CDH23: variants seen among roughly 807,000 people sequenced by gnomAD.
The protein encoded by CDH23 is cadherin related 23.
CDH23 carries 189 observed loss-of-function variants against 317.1 expected under a neutral mutation model. The ratio of observed to expected loss-of-function variants is 0.60; its 90% CI spans 0.53 to 0.67. CDH23 has a LOEUF of 0.67. Among genes scored for constraint, CDH23 ranks in the 30% least tolerant of loss-of-function variants. CDH23 has a pLI of 0.00. For synonymous variants in CDH23, 1,839 were observed against 1,876.8 expected, an observed-to-expected ratio of 0.98 and a Z score of 0.52; for missense variants, 4,401 against 4,592.4, an observed-to-expected ratio of 0.96 and a Z score of 1.20.
At chr10:71,585,119 G>A (rs1858959208) in intron 9 of CDH23, among the ~76,000 whole-genome samples, 1 of 152,188 alleles carries the variant, frequency 6.6e-6, no homozygotes. Context: ...CCTTGCCGCG[G>A]GGAGGTCTGG....
intron 14 of CDH23, among the ~76,000 whole-genome samples, chr10:71,673,629 G>A (rs1864236375): frequency 1.3e-5 from 2 of 152,236 alleles, no homozygotes; most frequent in African/African-American, 2.4e-5. Flanking sequence ...GCAAGGGCAT[G>A]GCTAGGTGGC....
chr10:71,404,599 G>C (rs1848011518), intron 1 of CDH23, among the ~76,000 whole-genome samples: 1 of 152,236 alleles, frequency 6.6e-6, no homozygotes, highest in Admixed American at 6.5e-5. Context: ...AGATGAAGCT[G>C]AGCCTGAATG....
intron 38 of CDH23, among the ~76,000 whole-genome samples, chr10:71,768,356 A>G (rs1368239311): frequency 6.6e-6 from 1 of 152,094 alleles, no homozygotes; most frequent in East Asian, 1.9e-4. Flanking sequence ...TTTTTAGTAG[A>G]GACGGGGTTT....
intron 28 of CDH23, chr10:71,715,055 T>C (rs1866147818): frequency 6.6e-6 from 1 of 152,290 alleles, no homozygotes; most frequent in South Asian, 2.1e-4. Flanking sequence ...ACAGCTGTCC[T>C]GGAGAGGTCC....
rs145829876 is a variant in CDH23 at position 71,800,200 on chromosome 10, G to C, written c.7363-436G>C. 3.9e-3 allele frequency among the ~76,000 whole-genome samples: 600 copies of C among 152,340 alleles called. 6 individuals carry two copies. The highest frequency in any genetic ancestry group is 0.011 in the African/African-American group (458 of 41,588). ...ATAGAGAGAGAGCCCTGTGGCCTAGGTCTGGTTGGTCAGGCAGGGCCTTCC... is the reference window on the plus strand; with the variant it reads ...ATAGAGAGAGAGCCCTGTGGCCTAGCTCTGGTTGGTCAGGCAGGGCCTTCC... On this transcript the variant is annotated intron_variant, in intron 52 of 69. Transcript: ENST00000224721.
At chr10:71,732,778 C>T in intron 32 of CDH23, 1 of 953,644 alleles carries the variant, frequency 1.0e-6, no homozygotes, top group Non-Finnish European at 1.3e-6. Context: ...ACAGATCCTT[C>T]ACCTCTGGTC....
At chr10:71,656,970 A>C (rs1189148622) in intron 14 of CDH23, among the ~76,000 whole-genome samples, 2 of 152,186 alleles carry the variant, frequency 1.3e-5, no homozygotes, top group South Asian at 4.1e-4. Context: ...CCCTGAGGCT[A>C]CTGCAAGAAG....
chr10:71,590,337 C>T (rs937472523), intron 9 of CDH23, among the ~76,000 whole-genome samples: 1 of 152,210 alleles, frequency 6.6e-6, no homozygotes, highest in Non-Finnish European at 1.5e-5. Context: ...TGCCCCCATC[C>T]CAGCCTTACC....
At chr10:71,471,366 G>A (rs1173060076) in intron 3 of CDH23, among the ~76,000 whole-genome samples, 1 of 152,180 alleles carries the variant, frequency 6.6e-6, no homozygotes, top group Non-Finnish European at 1.5e-5. Flanking sequence ...CTCACGACCT[G>A]GAACTGTGTT....
At chr10:71,785,954 G>C (rs1285057331) in intron 44 of CDH23, among the ~76,000 whole-genome samples, 1 of 152,170 alleles carries the variant, frequency 6.6e-6, no homozygotes, top group Non-Finnish European at 1.5e-5. Flanking sequence ...GCAAAATGAA[G>C]ATCTCACCTA....
Position 71,588,010 on chromosome 10 carries a change from C to T in CDH23, c.832+10018C>T, listed in dbSNP as rs180775140. Reference sequence around the variant, plus strand: ...CAAGTCCACATTGCTATTTCCTTGTCTCTCTGGGCTCAGCTTAGCTGCTGC... The same window carrying T: ...CAAGTCCACATTGCTATTTCCTTGTTTCTCTGGGCTCAGCTTAGCTGCTGC... On this transcript the variant is annotated intron_variant, in intron 9 of 69. Transcript: ENST00000224721. Among the ~76,000 whole-genome samples, 53 of 152,280 alleles carry T rather than the reference C, an allele frequency of 3.5e-4. 1 individual carries two copies. Among genetic ancestry groups the T allele is most frequent in the Middle Eastern group, 6.8e-3 (2 of 292 alleles).
chr10:71,626,695 G>A (rs1451979861), intron 11 of CDH23, among the ~76,000 whole-genome samples: 1 of 152,230 alleles, frequency 6.6e-6, no homozygotes, highest in Non-Finnish European at 1.5e-5. Flanking sequence ...GTGAGGGAAA[G>A]AAGGGGGCAG....
intron 18 of CDH23, among the ~76,000 whole-genome samples, chr10:71,685,107 T>C (rs928408540): frequency 1.1e-4 from 16 of 152,340 alleles, no homozygotes; most frequent in Admixed American, 1.0e-3. Context: ...TGGTCATCCC[T>C]ATCCACATAT....
At chr10:71,781,941 G>A (rs921511534) in intron 41 of CDH23, among the ~76,000 whole-genome samples, 1 of 152,210 alleles carries the variant, frequency 6.6e-6, no homozygotes, top group Admixed American at 6.5e-5. Context: ...CGGGGTTCAT[G>A]TTGGTCACTG....
At chr10:71,531,603 C>A (rs1855378260) in intron 6 of CDH23, among the ~76,000 whole-genome samples, 1 of 152,152 alleles carries the variant, frequency 6.6e-6, no homozygotes, top group Admixed American at 6.5e-5. Flanking sequence ...TTACCCTTCC[C>A]AGCCCTAGGG....
chr10:71,552,717 T>C (rs1465442359), intron 6 of CDH23, among the ~76,000 whole-genome samples: 1 of 152,148 alleles, frequency 6.6e-6, no homozygotes, highest in Non-Finnish European at 1.5e-5. Flanking sequence ...CCTCATTGGA[T>C]GGACAAGGAC....
chr10:71,612,476 ATG>A, intron 9 of CDH23, among the ~76,000 whole-genome samples: 1 of 152,290 alleles, frequency 6.6e-6, no homozygotes, highest in South Asian at 2.1e-4. Context: ...CAAACCAAAA[ATG>A]AAAGCACGTC....
At chr10:71,566,210 T>C (rs950466473) in intron 6 of CDH23, among the ~76,000 whole-genome samples, 2 of 152,024 alleles carry the variant, frequency 1.3e-5, no homozygotes, top group Non-Finnish European at 1.5e-5. Context: ...CCCATTCAGG[T>C]TGACACTTGT....
At chr10:71,422,896 A>G (rs918226169) in intron 1 of CDH23, among the ~76,000 whole-genome samples, 2 of 152,192 alleles carry the variant, frequency 1.3e-5, no homozygotes, top group Admixed American at 6.5e-5. Flanking sequence ...TTCCTGGGCA[A>G]CTTCACTGGG....
Sources: allele counts gnomAD v4.1 joint callset (sites outside exome capture counted in the v4.1 genomes callset), GRCh38; gene constraint gnomAD v4.1.1; transcripts MANE v1.5; gene names NCBI Gene and HGNC (gene_info 2026-07-23, HGNC 2026-07-21).